The following NRG1 variants were observed in gnomAD, a reference collection of about 807,000 sequenced individuals.
NRG1 encodes the protein neuregulin 1.
Under a neutral mutation model 63.8 loss-of-function variants are expected in NRG1, and 18 were observed. That is an observed-to-expected ratio of 0.28 (90% CI 0.19 to 0.42). The LOEUF (loss-of-function observed/expected upper bound fraction) is 0.42, where lower values mean the gene tolerates loss of function less well. Ranked by LOEUF, NRG1 falls within the 10% of genes least tolerant of loss-of-function variation. The probability of loss-of-function intolerance (pLI) is 1.00; values close to 1 mark genes in which losing one functional copy is unlikely to be tolerated. For synonymous variants in NRG1, 302 were observed against 301.3 expected, an observed-to-expected ratio of 1.00 and a Z score of -0.02; for missense variants, 762 against 814.7, an observed-to-expected ratio of 0.94 and a Z score of 0.79.
chr8:32,111,806 C>T (rs528006586), intron 1 of NRG1, among the ~76,000 whole-genome samples: 3 of 152,204 alleles, frequency 2.0e-5, no homozygotes, highest in South Asian at 2.1e-4. Context: ...AAAAGACTCA[C>T]GTAAGTTTAC....
chr8:31,892,894 A>G (rs1325860966), intron 1 of NRG1, among the ~76,000 whole-genome samples: 2 of 152,164 alleles, frequency 1.3e-5, no homozygotes, highest in African/African-American at 4.8e-5. Context: ...TGGAATTTGA[A>G]AAATATATAT....
At chr8:32,627,654 T>G (rs1475769133) in intron 5 of NRG1, among the ~76,000 whole-genome samples, 3 of 152,182 alleles carry the variant, frequency 2.0e-5, no homozygotes, top group African/African-American at 7.2e-5. Flanking sequence ...ACTAGTTTTG[T>G]TTTTTAATTT....
chr8:32,137,243 C>G (rs1190175936), intron 1 of NRG1, among the ~76,000 whole-genome samples: 2 of 152,032 alleles, frequency 1.3e-5, no homozygotes, highest in African/African-American at 4.8e-5. Context: ...GTCACGAGTT[C>G]AAGACCAGCC....
chr8:31,700,325 A>G (rs976342627), intron 1 of NRG1, among the ~76,000 whole-genome samples: 7 of 152,162 alleles, frequency 4.6e-5, no homozygotes, highest in African/African-American at 1.7e-4. Context: ...TAGTTGAATA[A>G]GTAAGGAAGG....
chr8:32,065,874 C>A (rs1300671427), intron 1 of NRG1, among the ~76,000 whole-genome samples: 2 of 152,182 alleles, frequency 1.3e-5, no homozygotes, highest in East Asian at 3.9e-4. Flanking sequence ...TAATGATCAC[C>A]ATTCTAATTG....
intron 1 of NRG1, among the ~76,000 whole-genome samples, chr8:31,834,005 T>G (rs1256837379): frequency 6.6e-6 from 1 of 152,200 alleles, no homozygotes; most frequent in Non-Finnish European, 1.5e-5. Context: ...CTGGACTGGC[T>G]TGCAGGTGGG....
rs117444513 is a variant in NRG1 at position 32,051,628 on chromosome 8, A to G, written c.37+412197A>G. Among the ~76,000 whole-genome samples the G allele has an allele frequency of 6.2e-4, 94 of 152,288 alleles. No individual in the cohort carries two copies. The East Asian group carries it at 0.017, about 27-fold the overall frequency. ...TTATGGCATGCCAGCAACCTCAGCC[A>G]GGTGAAGGGCAAAGAGAAACATTTG... On this transcript the variant is annotated intron_variant, in intron 1 of 10. Transcript: ENST00000519301.
intron 5 of NRG1, among the ~76,000 whole-genome samples, chr8:32,652,041 G>A (rs559627397): frequency 1.3e-5 from 2 of 152,208 alleles, no homozygotes; most frequent in South Asian, 2.1e-4. Flanking sequence ...TCTGAAAAAT[G>A]TGGCAAAATC....
chr8:32,675,199 T>C (rs1806760529), intron 5 of NRG1, among the ~76,000 whole-genome samples: 1 of 152,232 alleles, frequency 6.6e-6, no homozygotes, highest in Non-Finnish European at 1.5e-5. Context: ...GTGTTTCTGC[T>C]GTCACCTACC....
chr8:31,734,696 T>C (rs1563341243), intron 1 of NRG1, among the ~76,000 whole-genome samples: 1 of 152,200 alleles, frequency 6.6e-6, no homozygotes, highest in Non-Finnish European at 1.5e-5. Context: ...TCTCTGGATG[T>C]TACTGCAAAA....
intron 1 of NRG1, among the ~76,000 whole-genome samples, chr8:32,261,380 T>TG (rs1272663037): frequency 6.6e-6 from 1 of 151,942 alleles, no homozygotes; most frequent in East Asian, 1.9e-4. Flanking sequence ...TGTGTGTGTG[T>TG]GTGTGTGTGC....
chr8:32,578,532 T>G (rs1169226373), intron 1 of NRG1, among the ~76,000 whole-genome samples: 1 of 151,882 alleles, frequency 6.6e-6, no homozygotes, highest in Non-Finnish European at 1.5e-5. Flanking sequence ...AGAGGTACTG[T>G]CTGATGGTTA....
intron 1 of NRG1, among the ~76,000 whole-genome samples, chr8:32,195,774 A>T (rs553354341): frequency 2.0e-4 from 31 of 152,314 alleles, no homozygotes; most frequent in African/African-American, 7.5e-4. Context: ...ATCCTAGCGT[A>T]GACATTGAAT....
At chr8:32,704,574 TCTTGGTTTCCCAAGAATC>T (rs746987863) in intron 5 of NRG1, among the ~76,000 whole-genome samples, 17 of 152,280 alleles carry the variant, frequency 1.1e-4, no homozygotes, top group South Asian at 8.3e-4. Context: ...AAAAGCAAAT[TCTTGGTTTCCCAAGAATC>T]CTTGGTTTCC....
chr8:31,709,179 A>G (rs1051485301), intron 1 of NRG1, among the ~76,000 whole-genome samples: 3 of 150,764 alleles, frequency 2.0e-5, no homozygotes, highest in African/African-American at 7.3e-5. Context: ...ATTTAATCAA[A>G]TGATTTATTT....
At chr8:32,442,663 C>T (rs1208470423) in intron 1 of NRG1, 2 of 152,202 alleles carry the variant, frequency 1.3e-5, no homozygotes, top group South Asian at 2.1e-4. Flanking sequence ...CACCATGTAC[C>T]ACAAATAGTG....
intron 1 of NRG1, among the ~76,000 whole-genome samples, chr8:32,167,787 T>C (rs1311580442): frequency 2.0e-5 from 3 of 152,298 alleles, no homozygotes; most frequent in Middle Eastern, 3.4e-3. Flanking sequence ...GAGAAATAAA[T>C]TGGGCAGCGA....
At chr8:31,835,994 A>G (rs1825658747) in intron 1 of NRG1, among the ~76,000 whole-genome samples, 1 of 152,306 alleles carries the variant, frequency 6.6e-6, no homozygotes, top group South Asian at 2.1e-4. Flanking sequence ...TTAAATGTAA[A>G]TACCCACATG....
In NRG1 at chr8:32,390,881, T is replaced by TA. The variant is rs201054193; in HGVS notation, c.38-204938dup. Among the ~76,000 whole-genome samples the TA allele has an allele frequency of 1.2e-3, 183 of 150,928 alleles. 1 individual carries two copies. The highest frequency in any genetic ancestry group is 4.1e-3 in the African/African-American group (169 of 41,154). On this transcript the variant is annotated intron_variant, in intron 1 of 10. Coordinates refer to the NRG1 transcript ENST00000519301. The stretch of plus-strand genomic sequence containing the variant: ...TAAATATTTGTTGAATTAAGAAAAT[T>TA]AAAAAAAAAGTGAGAAGTCAACAGT...
Sources: gnomAD v4.1 joint callset for allele counts (sites outside exome capture counted in the v4.1 genomes callset) on GRCh38, gnomAD v4.1.1 for gene constraint, MANE v1.5 for transcripts, NCBI Gene and HGNC (gene_info 2026-07-23, HGNC 2026-07-21) for gene names.